RERG: variants seen among roughly 807,000 people sequenced by gnomAD.
RERG encodes the protein ras-related and estrogen-regulated growth inhibitor.
RERG carries 25 observed loss-of-function variants against 23.2 expected under a neutral mutation model. The ratio of observed to expected loss-of-function variants is 1.08; its 90% confidence interval spans 0.79 to 1.50. RERG has a LOEUF of 1.50. RERG is among the 40% of genes most tolerant of loss of function. RERG has a pLI of 0.00. For synonymous variants in RERG, 81 were observed against 89.1 expected, an observed-to-expected ratio of 0.91 and a Z score of 0.51; for missense variants, 253 against 250.1, an observed-to-expected ratio of 1.01 and a Z score of -0.08.
chr12:15,131,062 A>C (rs922617718), intron 2 of RERG, among the ~76,000 whole-genome samples: 8 of 152,156 alleles, frequency 5.3e-5, no homozygotes, highest in African/African-American at 1.9e-4. Flanking sequence ...GAGATATTGG[A>C]ATGCTTAAAA....
At chr12:15,110,471 T>TTTTTTTC (rs1863589518) in intron 4 of RERG, among the ~76,000 whole-genome samples, 2 of 71,770 alleles carry the variant, frequency 2.8e-5, no homozygotes, top group Non-Finnish European at 6.1e-5. Context: ...TTCTTTTTTT[T>TTTTTTTC]TTTTTTTTTT....
chr12:15,157,941 G>T (rs7300280), intron 2 of RERG, among the ~76,000 whole-genome samples: 22,989 of 151,704 alleles, frequency 0.15, 1,998 homozygotes, highest in East Asian at 0.23. Flanking sequence ...AAATATTTAT[G>T]TATAAATAAA....
chr12:15,196,066 T>G (rs998001394), intron 2 of RERG, among the ~76,000 whole-genome samples: 1 of 152,118 alleles, frequency 6.6e-6, no homozygotes, highest in African/African-American at 2.4e-5. Flanking sequence ...AAGAGTATGA[T>G]TCAATGACTT....
chr12:15,151,443 T>C (rs1864440681), intron 2 of RERG, among the ~76,000 whole-genome samples: 1 of 152,182 alleles, frequency 6.6e-6, no homozygotes, highest in Non-Finnish European at 1.5e-5. Context: ...ACTTTGAAAG[T>C]AATAAGTGGT....
intron 2 of RERG, among the ~76,000 whole-genome samples, chr12:15,144,641 T>TG (rs1209259666): frequency 6.6e-6 from 1 of 152,174 alleles, no homozygotes; most frequent in Non-Finnish European, 1.5e-5. Context: ...CCGAGTGGTG[T>TG]GGATGACAGC....
Position 15,108,926 on chromosome 12 carries a change from T to C in RERG, c.*184A>G. The C allele has an allele frequency of 1.8e-6, 1 of 562,454 alleles. No individual in the cohort carries two copies. The highest frequency in any genetic ancestry group is 3.1e-6 in the Non-Finnish European group (1 of 324,762). 34.8% of individuals were successfully genotyped at this position (562,454 alleles called of 1,614,324 possible). ...CTTATTCAAGCAGGAAAGGAAGAAA[T>C]TGTTAGCACTGAAATTGCATAAAAC... On this transcript the variant is annotated 3_prime_UTR_variant, in exon 5 of 5. Transcript: ENST00000256953.
chr12:15,127,828 T>A (rs961890204), intron 2 of RERG, among the ~76,000 whole-genome samples: 1 of 152,230 alleles, frequency 6.6e-6, no homozygotes, highest in Non-Finnish European at 1.5e-5. Context: ...TCTTGAAGGT[T>A]AAATATCAAA....
At chr12:15,219,646 T>G (rs961454571) in intron 1 of RERG, among the ~76,000 whole-genome samples, 4 of 152,346 alleles carry the variant, frequency 2.6e-5, no homozygotes, top group South Asian at 4.1e-4. Context: ...TGGAGATATA[T>G]TAACTATTTA....
chr12:15,146,158 GTGAT>G (rs1388079284), intron 2 of RERG, among the ~76,000 whole-genome samples: 2 of 152,172 alleles, frequency 1.3e-5, no homozygotes, highest in Non-Finnish European at 2.9e-5. Context: ...CAAGACTGTT[GTGAT>G]TATCAAATGC....
At chr12:15,199,186 T>C (rs1284952745) in intron 2 of RERG, among the ~76,000 whole-genome samples, 1 of 152,158 alleles carries the variant, frequency 6.6e-6, no homozygotes, top group Non-Finnish European at 1.5e-5. Flanking sequence ...CTATATCTCA[T>C]CATCTACCTT....
chr12:15,122,082 G>A (rs1440357099), intron 2 of RERG, among the ~76,000 whole-genome samples: 2 of 151,676 alleles, frequency 1.3e-5, no homozygotes, highest in Non-Finnish European at 2.9e-5. Context: ...TGGAATGAAA[G>A]CATTGGATCC....
intron 2 of RERG, chr12:15,137,842 CT>C (rs1864169922): frequency 4.6e-6 from 2 of 430,616 alleles, no homozygotes; most frequent in Non-Finnish European, 9.3e-6. Context: ...TTAAAATTAC[CT>C]TTTTCTGTAA....
intron 2 of RERG, among the ~76,000 whole-genome samples, chr12:15,155,724 AG>A: frequency 6.6e-6 from 1 of 152,240 alleles, no homozygotes; most frequent in South Asian, 2.1e-4. Context: ...CAGGGCCCCC[AG>A]GGGACTCTGA....
At chr12:15,148,923 C>T (rs1165498804) in intron 2 of RERG, among the ~76,000 whole-genome samples, 19 of 118,958 alleles carry the variant, frequency 1.6e-4, no homozygotes, top group Admixed American at 2.5e-4. Flanking sequence ...GGCTGGACTG[C>T]AGTGGCGCCG....
intron 2 of RERG, among the ~76,000 whole-genome samples, chr12:15,212,448 A>G (rs1195768083): frequency 6.6e-6 from 1 of 152,192 alleles, no homozygotes; most frequent in East Asian, 1.9e-4. Flanking sequence ...AAACATAGAT[A>G]TATTAGGGAT....
intron 2 of RERG, among the ~76,000 whole-genome samples, chr12:15,132,638 C>A (rs1242586899): frequency 6.6e-6 from 1 of 152,168 alleles, no homozygotes; most frequent in Non-Finnish European, 1.5e-5. Context: ...CTGGCTGTAC[C>A]ATTTTGCATT....
chr12:15,206,334 CA>C (rs1252078013), intron 2 of RERG, among the ~76,000 whole-genome samples: 3 of 152,064 alleles, frequency 2.0e-5, no homozygotes, highest in Non-Finnish European at 4.4e-5. Flanking sequence ...ATGTTAACTC[CA>C]TAAAGGCAGA....
intron 2 of RERG, among the ~76,000 whole-genome samples, chr12:15,175,347 G>GTGTA (rs1186678236): frequency 5.5e-5 from 8 of 145,730 alleles, no homozygotes; most frequent in Non-Finnish European, 1.1e-4. Context: ...GTGTGTGTGT[G>GTGTA]TGTGTGTGTG....
At chr12:15,192,764 C>T (rs1184197138) in intron 2 of RERG, among the ~76,000 whole-genome samples, 1 of 152,066 alleles carries the variant, frequency 6.6e-6, no homozygotes, top group Non-Finnish European at 1.5e-5. Context: ...TCAGTCTTTC[C>T]TTGTCTTTCG....
Sources: allele counts gnomAD v4.1 joint callset (sites outside exome capture counted in the v4.1 genomes callset), GRCh38; gene constraint gnomAD v4.1.1; transcripts MANE v1.5; gene names NCBI Gene and HGNC (gene_info 2026-07-23, HGNC 2026-07-21).